The following KIRREL2 variants were observed in gnomAD, a reference collection of about 807,000 sequenced individuals.
KIRREL2 encodes the protein kin of IRRE-like protein 2.
Under a neutral mutation model 73.4 loss-of-function variants are expected in KIRREL2, and 56 were observed. That is an observed-to-expected ratio of 0.76 (90% CI 0.62 to 0.95). The LOEUF (loss-of-function observed/expected upper bound fraction) is 0.95. KIRREL2 is among the 40% of genes least tolerant of loss of function. The probability of loss-of-function intolerance (pLI) is 0.00; values close to 1 mark genes in which losing one functional copy is unlikely to be tolerated. For missense variants in KIRREL2, 896 were observed against 935.0 expected (o/e 0.96, Z 0.54); for synonymous variants, 407 against 404.0 (o/e 1.01, Z -0.09).
Position 35,859,052 on chromosome 19 carries a change from A to T in KIRREL2, c.522+188A>T, listed in dbSNP as rs946408878. 1.4e-4 allele frequency among the ~76,000 whole-genome samples: 21 copies of T among 152,224 alleles called. 1 individual carries two copies. Among genetic ancestry groups the T allele is most frequent in the Admixed American group, 5.9e-4 (9 of 15,282 alleles). Reference sequence around the variant, plus strand: ...CCTGGGTTCAAATTATGTCTCAGCCACTTGCTAGTTGATTGATCTTGAGTA... The same window carrying T: ...CCTGGGTTCAAATTATGTCTCAGCCTCTTGCTAGTTGATTGATCTTGAGTA... On this transcript the variant is annotated intron_variant, in intron 4 of 14. Transcript: ENST00000360202.
chr19:35,865,991 C>G (rs1263954527), intron 14 of KIRREL2, among the ~76,000 whole-genome samples, 166 bp from the exon 15 acceptor site: 4 of 152,152 alleles, frequency 2.6e-5, no homozygotes, highest in Non-Finnish European at 5.9e-5. Context: ...GTTCCTCTGT[C>G]TCACTTTCTC....
chr19:35,861,154 G>A lies in KIRREL2; in HGVS notation c.1089G>A (p.Pro363=), dbSNP rs1422977445. ...GCTCTGGAGCCACACTGCGTCTTCC[G>A]TCGGTGGGGCCCGAGGACGCAGGCG... ...VLGSGATLRL[P]SVGPEDAGDY... Residue 363 remains proline (P), a synonymous_variant, in exon 9 of 15, where the codon CCG becomes CCA. Coordinates refer to ENST00000360202, the MANE Select transcript of KIRREL2 (RefSeq NM_199180.4). The A allele has an allele frequency of 1.9e-6, 3 of 1,594,634 alleles. No homozygotes were observed. The highest frequency in any genetic ancestry group is 1.8e-5 in the Admixed American group (1 of 56,932).
intron 5 of KIRREL2, 139 bp from the exon 6 acceptor site, chr19:35,860,158 G>A: frequency 1.5e-6 from 1 of 664,850 alleles, no homozygotes; most frequent in Non-Finnish European, 2.6e-6. Context: ...GGAACTGAAA[G>A]CCCAGACTCC....
chr19:35,861,209 T>C lies in KIRREL2; in HGVS notation c.1144T>C (p.Ser382Pro), dbSNP rs770937003. The C allele has an allele frequency of 5.8e-6, 9 of 1,545,090 alleles. No homozygotes were observed. The Admixed American group carries it at 1.0e-4, about 18-fold the overall frequency. The change falls in exon 9 of 15, where the codon TCG (serine) becomes CCG (proline). Residue 382 changes from serine (S) to proline (P), a missense_variant. Physicochemically the swap from Ser to Pro is moderately conservative, Grantham distance 74. Transcript: ENST00000360202. Reference sequence around the variant, plus strand: ...TGTGTGCAGAGCTGAGGCTGGGCTATCGGGCCTGCGGGGCGGCGCCGCGGA... The same window carrying C: ...TGTGTGCAGAGCTGAGGCTGGGCTACCGGGCCTGCGGGGCGGCGCCGCGGA... ...DYVCRAEAGL[S>P]GLRGGAAEAR...
Position 35,862,982 on chromosome 19 carries a change from C to T in KIRREL2, c.1671C>T (p.Asp557=), listed in dbSNP as rs546664803. 9 of 1,593,586 alleles carry T rather than the reference C, an allele frequency of 5.6e-6. No individual in the cohort carries two copies. The highest frequency in any genetic ancestry group is 3.6e-5 in the Admixed American group (2 of 56,300). The change falls in exon 13 of 15, where the codon GAC becomes GAT. Residue 557 remains aspartate (D), a synonymous_variant. Coordinates refer to ENST00000360202, the MANE Select transcript of KIRREL2 (RefSeq NM_199180.4). ...TGATGCGAATCCCTGGCAGCAGCGA[C>T]GGCTCCAGTTCACGAGGTCCTGAAG... ...KNLMRIPGSS[D]GSSSRGPEEE...
In KIRREL2 at chr19:35,856,949, G is replaced by T. The variant is rs1973444859; in HGVS notation, c.-171G>T. The T allele has an allele frequency of 1.4e-6, 1 of 737,142 alleles. No individual in the cohort carries two copies. Among genetic ancestry groups the T allele is most frequent in the South Asian group, 1.5e-5 (1 of 64,792 alleles). The allele number at this position is 737,142 out of a possible 1,614,324, so 45.7% of individuals were successfully genotyped here. On this transcript the variant is annotated 5_prime_UTR_variant, in exon 1 of 15. Coordinates refer to ENST00000360202, the MANE Select transcript of KIRREL2 (RefSeq NM_199180.4). This position sits in a 1 kb window ranked among gnomAD's most constrained non-coding sequence, Gnocchi z 5.9. ...GCGGAACTGGCAGGCGTTTCAGAGCGTCAGAGGCTGCGGATGAGCAGACTT... is the reference window on the plus strand; with the variant it reads ...GCGGAACTGGCAGGCGTTTCAGAGCTTCAGAGGCTGCGGATGAGCAGACTT...
At chr19:35,860,257 C>T in intron 5 of KIRREL2, 40 bp from the exon 6 acceptor site, 1 of 1,558,102 alleles carries the variant, frequency 6.4e-7, no homozygotes. Flanking sequence ...CGGAGGTGTT[C>T]CTGGTCCTTG....
chr19:35,866,167 A>G lies in KIRREL2; in HGVS notation c.1802A>G (p.Asn601Ser). The G allele has an allele frequency of 6.2e-7, 1 of 1,607,614 alleles. No homozygotes were observed. Among genetic ancestry groups the G allele is most frequent in the Non-Finnish European group, 8.5e-7 (1 of 1,178,450 alleles). The change falls in exon 15 of 15, where the codon AAC becomes AGC. Residue 601 changes from asparagine to serine, a missense_variant. By Grantham distance (46) the Asn-to-Ser change is conservative (BLOSUM62 1). Transcript: ENST00000360202. Reference protein sequence around the residue: ...EGTLETKDPTNGYYKVRGVSV... With the variant: ...EGTLETKDPTSGYYKVRGVSV... ...CATTTGTCCCCTCAGGACCCAACCAACGGTTACTACAAGGTCCGAGGAGTC... is the reference window on the plus strand; with the variant it reads ...CATTTGTCCCCTCAGGACCCAACCAGCGGTTACTACAAGGTCCGAGGAGTC...
chr19:35,857,617 T>C, intron 2 of KIRREL2, 123 bp downstream of exon 2: 1 of 1,024,616 alleles, frequency 9.8e-7, no homozygotes. Flanking sequence ...CGGGTAAACA[T>C]TTAGGAGTCC....
rs779106728 is a variant in KIRREL2, at chr19:35,862,526, T to C, written c.1544T>C (p.Val515Ala). 1.9e-6 allele frequency: 3 copies of C among 1,610,168 alleles called. No individual in the cohort carries two copies. The Admixed American group carries it at 5.0e-5, about 27-fold the overall frequency. Residue 515 changes from valine to alanine, a missense_variant, in exon 12 of 15, where the codon GTG becomes GCG. By Grantham distance (64) the Val-to-Ala change is moderately conservative. Transcript: ENST00000360202. ...LLPTVRIVAG[V>A]AAATTTLLMV... ...CCCACTGTGCGGATAGTGGCCGGAG[T>C]GGCCGCTGCCACCACAACTCTCCTT...
At position 35,861,868 on chromosome 19, in the gene KIRREL2, T is replaced by C; in HGVS notation, c.1354T>C (p.Phe452Leu). 1.9e-6 allele frequency: 3 copies of C among 1,593,208 alleles called. No individual in the cohort carries two copies. The highest frequency in any genetic ancestry group is 8.5e-7 in the Non-Finnish European group (1 of 1,170,102). The change falls in exon 11 of 15, where the codon TTC becomes CTC. Residue 452 changes from phenylalanine to leucine, a missense_variant. Physicochemically the swap from Phe to Leu is conservative, Grantham distance 22. Transcript: ENST00000360202. ...GSQGRFLVET[F>L]PAPESRGGLG... ...GCAGGGCCGGTTCCTGGTGGAGACA[T>C]TCCCTGCCCCAGAGAGCCGCGGGGG... is the stretch of plus-strand genomic sequence containing the variant.
chr19:35,862,432 T>G, intron 11 of KIRREL2, 61 bp from the exon 12 acceptor site: 3 of 1,262,946 alleles, frequency 2.4e-6, no homozygotes, highest in Non-Finnish European at 3.4e-6. Context: ...ACTCAATCCC[T>G]GAGCCCCCGC....
Position 35,866,341 on chromosome 19 carries a change from C to A in KIRREL2, c.1976C>A (p.Ala659Glu). ...VPPCRLYRAR[A>E]GYLTTPHPRA... ...CCCTGCAGACTTTACAGAGCCAGGGCAGGCTATCTCACCACACCCCACCCT... is the reference window on the plus strand; with the variant it reads ...CCCTGCAGACTTTACAGAGCCAGGGAAGGCTATCTCACCACACCCCACCCT... The change falls in exon 15 of 15, where the codon GCA becomes GAA. Residue 659 changes from alanine to glutamate, a missense_variant. Physicochemically the swap from Ala to Glu is moderately radical, Grantham distance 107 (BLOSUM62 -1). Coordinates refer to ENST00000360202, the MANE Select transcript of KIRREL2 (RefSeq NM_199180.4). 1 of 1,611,700 alleles carries A rather than the reference C, an allele frequency of 6.2e-7. No individual in the cohort carries two copies. The highest frequency in any genetic ancestry group is 8.5e-7 in the Non-Finnish European group (1 of 1,178,022).
intron 12 of KIRREL2, 141 bp from the exon 13 acceptor site, chr19:35,862,786 C>T (rs1389559863): frequency 1.9e-5 from 13 of 686,632 alleles, no homozygotes; most frequent in East Asian, 2.7e-5. Context: ...TCACACTCCT[C>T]GGTGGGAATG....
chr19:35,857,266 G>A, intron 1 of KIRREL2, 79 bp from the exon 2 acceptor site: 1 of 1,606,884 alleles, frequency 6.2e-7, no homozygotes, highest in Non-Finnish European at 8.5e-7. Context: ...AAGGGAGCTG[G>A]GGGCTGGGAC....
rs528638724 is a variant in KIRREL2, at chr19:35,861,369, G to A, written c.1189+115G>A. ...TGGAAGGAGCTTTACACCCAGCGGGGGCTGGAGACCGGACCTATTGAAGGC... is the reference window on the plus strand; with the variant it reads ...TGGAAGGAGCTTTACACCCAGCGGGAGCTGGAGACCGGACCTATTGAAGGC... On this transcript the variant is annotated intron_variant, in intron 9 of 14. Transcript: ENST00000360202. The A allele has an allele frequency of 2.8e-5, 42 of 1,493,718 alleles. No homozygotes were observed. In the African/African-American group the frequency reaches 5.8e-4, roughly 20 times the overall value. The allele number at this position is 1,493,718 out of a possible 1,614,324, so 92.5% of individuals were successfully genotyped here.
Position 35,866,688 on chromosome 19 carries a change from T to C in KIRREL2, c.*196T>C, listed in dbSNP as rs554365497. ...GGAGATGCCCCAAGTGGGAGCAACATGGCCACCCAATATGCCCACCTATTC... is the reference window on the plus strand; with the variant it reads ...GGAGATGCCCCAAGTGGGAGCAACACGGCCACCCAATATGCCCACCTATTC... On this transcript the variant is annotated 3_prime_UTR_variant, in exon 15 of 15. Transcript: ENST00000360202. The C allele has an allele frequency of 2.8e-6, 2 of 703,166 alleles. No homozygotes were observed. Among genetic ancestry groups the C allele is most frequent in the East Asian group, 2.7e-5 (1 of 36,618 alleles). The allele number at this position is 703,166 out of a possible 1,614,324, so 43.6% of individuals were successfully genotyped here.
chr19:35,864,022 G>C (rs11084832), intron 13 of KIRREL2, among the ~76,000 whole-genome samples: 1,782 of 151,876 alleles, frequency 0.012, 30 homozygotes, highest in African/African-American at 0.039. Flanking sequence ...TGATCCGCTC[G>C]TCTCGGCCTC....
At position 35,861,211 on chromosome 19, in the gene KIRREL2, G is replaced by A; in HGVS notation, c.1146G>A (p.Ser382=). The A allele has an allele frequency of 1.3e-6, 2 of 1,540,338 alleles. No homozygotes were observed. The highest frequency in any genetic ancestry group is 4.5e-5 in the East Asian group (2 of 44,284). The change falls in exon 9 of 15, where the codon TCG becomes TCA. Residue 382 remains serine (S), a synonymous_variant. Coordinates refer to ENST00000360202, the MANE Select transcript of KIRREL2 (RefSeq NM_199180.4). ...TGTGCAGAGCTGAGGCTGGGCTATC[G>A]GGCCTGCGGGGCGGCGCCGCGGAGG... ...DYVCRAEAGL[S]GLRGGAAEAR... is the part of the protein sequence containing the mutation.
Sources: allele counts gnomAD v4.1 joint callset (sites outside exome capture counted in the v4.1 genomes callset), GRCh38; gene constraint gnomAD v4.1.1; non-coding constraint Gnocchi (gnomAD v3.1); transcripts MANE v1.5; gene names NCBI Gene and HGNC (gene_info 2026-07-23, HGNC 2026-07-21).